The following STK32B variants were observed in gnomAD, a reference collection of about 807,000 sequenced individuals.
The protein encoded by STK32B is serine/threonine-protein kinase 32B.
A neutral mutation model predicts 52.6 loss-of-function variants in STK32B; 43 were observed. That is an observed-to-expected ratio of 0.82 (90% CI 0.64 to 1.05). STK32B has a LOEUF of 1.05. Ranked by LOEUF, STK32B falls within the 50% of genes least tolerant of loss-of-function variation. The pLI, the probability that STK32B is intolerant of heterozygous loss-of-function variation, is 0.00. For synonymous variants in STK32B, 238 were observed against 204.3 expected (o/e 1.17, Z -1.41); for missense variants, 621 against 534.6 (o/e 1.16, Z -1.59).
chr4:5,090,766 C>G (rs986268800), intron 1 of STK32B, among the ~76,000 whole-genome samples: 1 of 152,112 alleles, frequency 6.6e-6, no homozygotes, highest in Admixed American at 6.5e-5. Context: ...ATTTGCTGAA[C>G]AGGAGATCCT....
At chr4:5,055,647 C>A (rs1160468861) in intron 1 of STK32B, among the ~76,000 whole-genome samples, 1 of 152,118 alleles carries the variant, frequency 6.6e-6, no homozygotes, top group African/African-American at 2.4e-5. Flanking sequence ...TGAGACTGCA[C>A]CTTCCTCTGT....
intron 3 of STK32B, among the ~76,000 whole-genome samples, chr4:5,299,022 C>G (rs1281470206): frequency 3.3e-5 from 5 of 152,088 alleles, no homozygotes; most frequent in Admixed American, 1.3e-4. Flanking sequence ...GGCACAGTCC[C>G]TCATGGCTTC....
At chr4:5,129,210 G>A (rs1455662020) in intron 1 of STK32B, among the ~76,000 whole-genome samples, 6 of 152,202 alleles carry the variant, frequency 3.9e-5, no homozygotes, top group Non-Finnish European at 8.8e-5. Context: ...TTGGAGTCTA[G>A]TGAAAGGAGA....
chr4:5,037,336 G>C, the STK32B span, among the ~76,000 whole-genome samples: 2 of 152,172 alleles, frequency 1.3e-5, no homozygotes, highest in African/African-American at 4.8e-5. Flanking sequence ...TTAAGCCCCT[G>C]GTAGGCGGCA....
At chr4:5,462,639 GC>G (rs1189136916) in intron 9 of STK32B, among the ~76,000 whole-genome samples, 1 of 152,194 alleles carries the variant, frequency 6.6e-6, no homozygotes, top group African/African-American at 2.4e-5. Context: ...CAGCCCCAGG[GC>G]TGCCAGGGAG....
At chr4:5,337,320 C>T (rs116763849) in intron 4 of STK32B, among the ~76,000 whole-genome samples, 3,721 of 152,134 alleles carry the variant, frequency 0.024, 77 homozygotes, top group Middle Eastern at 0.054. Flanking sequence ...TAGAAGGCAG[C>T]GCAGACACGC....
intron 5 of STK32B, among the ~76,000 whole-genome samples, chr4:5,412,945 T>C (rs1024830941): frequency 6.6e-6 from 1 of 152,066 alleles, no homozygotes; most frequent in African/African-American, 2.4e-5. Flanking sequence ...GACACATTTT[T>C]CCCTTCCCTT....
At chr4:5,446,469 G>A (rs1715430173) in intron 6 of STK32B, among the ~76,000 whole-genome samples, 1 of 151,870 alleles carries the variant, frequency 6.6e-6, no homozygotes, top group Non-Finnish European at 1.5e-5. Flanking sequence ...GGCAGGCTGA[G>A]GAAGGAGAAT....
chr4:5,334,756 T>C (rs1416336442), intron 4 of STK32B, among the ~76,000 whole-genome samples: 1 of 151,738 alleles, frequency 6.6e-6, no homozygotes, highest in African/African-American at 2.4e-5. Context: ...TGTCTTTGGT[T>C]CTGTTTATAT....
At chr4:5,446,966 A>G (rs1234556908) in intron 7 of STK32B, 190 bp downstream of exon 7, 4 of 559,992 alleles carry the variant, frequency 7.1e-6, no homozygotes, top group Non-Finnish European at 1.3e-5. Context: ...CAACCCACTC[A>G]TTGTACAGAT....
chr4:5,491,345 T>G (rs2108725967), intron 11 of STK32B, among the ~76,000 whole-genome samples: 1 of 152,362 alleles, frequency 6.6e-6, no homozygotes, highest in East Asian at 1.9e-4. Flanking sequence ...TGAGCATTTT[T>G]TCATGTGTTT....
At chr4:5,358,895 A>T (rs982465919) in intron 4 of STK32B, among the ~76,000 whole-genome samples, 1 of 152,204 alleles carries the variant, frequency 6.6e-6, no homozygotes, top group African/African-American at 2.4e-5. Context: ...GTTAACACAT[A>T]TACTTTATGT....
rs777835686 is a variant in STK32B, at chr4:5,256,126, C to T, written c.261-75094C>T. Among the ~76,000 whole-genome samples the T allele has an allele frequency of 5.3e-4, 80 of 152,266 alleles. 1 individual carries two copies. Among genetic ancestry groups the T allele is most frequent in the Middle Eastern group, 3.4e-3 (1 of 294 alleles). ...GTGATGTTTGATCTCATCAGACCTT[C>T]CCATCCATGTTAGAGATGCAGATAC... is the stretch of plus-strand genomic sequence containing the variant. On this transcript the variant is annotated intron_variant, in intron 3 of 11. Transcript: ENST00000282908.
intron 3 of STK32B, among the ~76,000 whole-genome samples, chr4:5,235,730 G>C (rs944893026): frequency 6.6e-6 from 1 of 152,180 alleles, no homozygotes; most frequent in Non-Finnish European, 1.5e-5. Context: ...TAGAGTCTTC[G>C]ATTTGAACCT....
chr4:5,160,592 C>A (rs1479415496), intron 2 of STK32B, among the ~76,000 whole-genome samples: 1 of 152,146 alleles, frequency 6.6e-6, no homozygotes. Flanking sequence ...TTCTGGGGTC[C>A]CTTAGTCCCA....
intron 2 of STK32B, among the ~76,000 whole-genome samples, chr4:5,144,524 G>A (rs2108837924): frequency 6.6e-6 from 1 of 152,216 alleles, no homozygotes; most frequent in African/African-American, 2.4e-5. Flanking sequence ...GGACAGGCAG[G>A]GCTGTTGTGT....
chr4:5,446,613 A>AG, intron 6 of STK32B, 60 bp from the exon 7 acceptor site: 1 of 1,462,810 alleles, frequency 6.8e-7, no homozygotes, highest in Non-Finnish European at 9.6e-7. Flanking sequence ...CCCCTCTCTA[A>AG]GGGGTGGTGG....
At chr4:5,274,523 C>A (rs1308613488) in intron 3 of STK32B, among the ~76,000 whole-genome samples, 1 of 152,156 alleles carries the variant, frequency 6.6e-6, no homozygotes, top group African/African-American at 2.4e-5. Flanking sequence ...GGGCTTGCAA[C>A]TTAGCTCACA....
At chr4:5,265,279 A>G (rs1009985099) in intron 3 of STK32B, among the ~76,000 whole-genome samples, 2 of 152,252 alleles carry the variant, frequency 1.3e-5, no homozygotes, top group African/African-American at 4.8e-5. Context: ...GTGTTTCTAC[A>G]ACTCCTGAGA....
Sources: allele counts gnomAD v4.1 joint callset (sites outside exome capture counted in the v4.1 genomes callset), GRCh38; gene constraint gnomAD v4.1.1; transcripts MANE v1.5; gene names NCBI Gene and HGNC (gene_info 2026-07-23, HGNC 2026-07-21).